The following ZNF182 variants were observed in gnomAD, a reference collection of about 807,000 sequenced individuals.
ZNF182 encodes the protein zinc finger protein 182, also known as zinc finger protein 21 (KOX 14).
In ZNF182, 10 loss-of-function variants were observed where a neutral mutation model predicts 28.1. The ratio of observed to expected loss-of-function variants is 0.36; its 90% CI spans 0.22 to 0.60. ZNF182 has a LOEUF of 0.60. Ranked by LOEUF, ZNF182 falls within the 20% of genes least tolerant of loss-of-function variation. ZNF182 has a pLI of 0.75. For synonymous variants in ZNF182, 156 were observed against 158.7 expected (o/e 0.98, Z 0.13); for missense variants, 352 against 453.2 (o/e 0.78, Z 2.03).
intron 3 of ZNF182, among the ~76,000 whole-genome samples, chrX:47,984,931 A>G (rs2058918813): frequency 8.9e-6 from 1 of 111,922 alleles, no homozygotes; most frequent in African/African-American, 3.2e-5. Context: ...CCACAATGAG[A>G]TACTACTACA....
rs2058889967 is a variant in ZNF182, at chrX:47,977,544, A to G, written c.486T>C (p.Asn162=). The change falls in exon 6 of 6, where the codon AAT becomes AAC. Residue 162 remains asparagine (N), a synonymous_variant. Coordinates refer to ENST00000376943, the MANE Select transcript of ZNF182 (RefSeq NM_001007088.2). The part of the protein sequence containing the change: ...LDLFSRSSAE[N]KYDNGCAKLF... ...ATTTTGCACATCCATTATCATATTT[A>G]TTTTCTGCAGAACTTCTACTAAATA... 1.7e-6 allele frequency: 2 copies of G among 1,206,240 alleles called. No individual in the cohort carries two copies. The highest frequency in any genetic ancestry group is 3.5e-5 in the African/African-American group (2 of 57,065).
chrX:47,994,694 G>A (rs951933944), intron 3 of ZNF182, among the ~76,000 whole-genome samples: 4 of 111,501 alleles, frequency 3.6e-5, no homozygotes, highest in African/African-American at 9.8e-5. Flanking sequence ...GCTGGAATGC[G>A]GTGGTGTGAT....
At chrX:47,980,148 C>T (rs1603224362) in intron 5 of ZNF182, among the ~76,000 whole-genome samples, 1 of 111,357 alleles carries the variant, frequency 9.0e-6, no homozygotes, top group Non-Finnish European at 1.9e-5. Context: ...TCATTTGCAG[C>T]TACATGGATA....
intron 3 of ZNF182, among the ~76,000 whole-genome samples, chrX:47,990,277 T>G (rs2146467087): frequency 9.0e-6 from 1 of 111,483 alleles, no homozygotes; most frequent in Admixed American, 9.5e-5. Context: ...TAACGGGGTC[T>G]CTAAGAGACT....
chrX:47,992,956 GAA>G, intron 3 of ZNF182, among the ~76,000 whole-genome samples: 2 of 53,663 alleles, frequency 3.7e-5, no homozygotes, highest in Middle Eastern at 0.014. Context: ...CCAGAATAAA[GAA>G]GAATTCTCTG....
At chrX:48,000,470 G>A (rs1252772668) in intron 3 of ZNF182, among the ~76,000 whole-genome samples, 2 of 110,558 alleles carry the variant, frequency 1.8e-5, no homozygotes, top group Non-Finnish European at 3.8e-5. Context: ...GCTGAGGCAC[G>A]AGAATCACTT....
At chrX:47,990,195 A>G (rs1266794756) in intron 3 of ZNF182, among the ~76,000 whole-genome samples, 1 of 111,532 alleles carries the variant, frequency 9.0e-6, no homozygotes, top group Non-Finnish European at 1.9e-5. Context: ...CAATAAAAAT[A>G]CAAATCAGGC....
At chrX:47,997,010 T>C (rs1322566058) in intron 3 of ZNF182, among the ~76,000 whole-genome samples, 1 of 111,821 alleles carries the variant, frequency 8.9e-6, no homozygotes, top group Non-Finnish European at 1.9e-5. Flanking sequence ...AGCAGACTAA[T>C]ATACCCAGCT....
rs2058877549 is a variant in ZNF182 at position 47,975,043 on chromosome X, T to C, written c.*1124A>G. 1 of 111,459 alleles carries C rather than the reference T, an allele frequency of 9.0e-6. No individual in the cohort carries two copies. The highest frequency in any genetic ancestry group is 1.9e-5 in the Non-Finnish European group (1 of 53,114). 9.2% of individuals were successfully genotyped at this position (111,459 alleles called of 1,213,427 possible). A position where few individuals can be genotyped will look rare whatever the true frequency, so the allele number is the denominator to read the frequency against. ...CATGTCTCTTTCCAGAGATAACTTA[T>C]GAATTCACAATTATGTACTTACCAT... On this transcript the variant is annotated 3_prime_UTR_variant, in exon 6 of 6. Transcript: ENST00000376943.
chrX:47,977,668 A>G lies in ZNF182; in HGVS notation c.362T>C (p.Phe121Ser), dbSNP rs782276851. ...TGTACTCAGATGAAGTATGTTTCCA[A>G]ACTCATGACAGTCACGAGCACTCTT... is the stretch of plus-strand genomic sequence containing the variant. ...ITKSARDCHE[F>S]GNILHLSTNL... Residue 121 changes from phenylalanine to serine, a missense_variant, in exon 6 of 6, where the codon TTT (phenylalanine) becomes TCT (serine). Transcript: ENST00000376943. 8.3e-7 allele frequency: 1 copy of G among 1,211,119 alleles called. No individual in the cohort carries two copies. Among genetic ancestry groups the G allele is most frequent in the South Asian group, 1.8e-5 (1 of 56,781 alleles).
At chrX:47,987,743 C>T (rs2042327728) in intron 3 of ZNF182, among the ~76,000 whole-genome samples, 1 of 111,859 alleles carries the variant, frequency 8.9e-6, no homozygotes, top group Admixed American at 9.5e-5. Flanking sequence ...TCTCTGTTCA[C>T]CGAAAGGGCC....
At chrX:47,987,119 T>C (rs1556899890) in intron 3 of ZNF182, among the ~76,000 whole-genome samples, 1 of 111,953 alleles carries the variant, frequency 8.9e-6, no homozygotes, top group Non-Finnish European at 1.9e-5. Context: ...CTAGAGAACC[T>C]TGACTAATAC....
Position 47,977,310 on chromosome X carries a change from C to T in ZNF182, c.720G>A (p.Glu240=). Residue 240 remains glutamate (E), a synonymous_variant, in exon 6 of 6, where the codon GAG becomes GAA. Coordinates refer to ENST00000376943, the MANE Select transcript of ZNF182 (RefSeq NM_001007088.2). ...LIVHWRTHTG[E]KPFGCTECGK... Reference sequence around the variant, plus strand: ...CACATTCGGTACATCCAAAAGGTTTCTCTCCCGTATGAGTTCTCCAATGTA... The same window carrying T: ...CACATTCGGTACATCCAAAAGGTTTTTCTCCCGTATGAGTTCTCCAATGTA... The T allele has an allele frequency of 8.3e-7, 1 of 1,210,875 alleles. No individual in the cohort carries two copies. Among genetic ancestry groups the T allele is most frequent in the South Asian group, 1.8e-5 (1 of 56,750 alleles).
At chrX:47,992,918 G>A (rs1274535268) in intron 3 of ZNF182, among the ~76,000 whole-genome samples, 1 of 108,087 alleles carries the variant, frequency 9.3e-6, no homozygotes, top group Non-Finnish European at 1.9e-5. Context: ...ACCTGGTCAT[G>A]GGTCAGACAC....
At chrX:48,000,033 G>T (rs2058973442) in intron 3 of ZNF182, among the ~76,000 whole-genome samples, 1 of 110,306 alleles carries the variant, frequency 9.1e-6, no homozygotes, top group African/African-American at 3.3e-5. Flanking sequence ...CTACTCAGGA[G>T]GCTAAGGCAG....
At chrX:47,992,686 C>A (rs1603227274) in intron 3 of ZNF182, among the ~76,000 whole-genome samples, 2 of 111,732 alleles carry the variant, frequency 1.8e-5, no homozygotes, top group East Asian at 5.7e-4. Context: ...GTGCTGCCCT[C>A]TTCCGTCTGG....
chrX:47,998,594 C>T (rs186282487), intron 3 of ZNF182, among the ~76,000 whole-genome samples: 73 of 112,359 alleles, frequency 6.5e-4, no homozygotes, highest in African/African-American at 2.2e-3. Flanking sequence ...TGGTGGCTCA[C>T]GCCTGTGATC....
chrX:47,990,989 G>A (rs1446670296), intron 3 of ZNF182, among the ~76,000 whole-genome samples: 2 of 111,688 alleles, frequency 1.8e-5, no homozygotes, highest in Non-Finnish European at 3.8e-5. Context: ...ATCAATAAGG[G>A]AACAAATAAA....
intron 3 of ZNF182, among the ~76,000 whole-genome samples, chrX:47,990,693 A>G (rs977518060): frequency 2.7e-5 from 3 of 111,935 alleles, no homozygotes; most frequent in Non-Finnish European, 5.6e-5. Context: ...TCATCCATCA[A>G]TTATATGATT....
Sources: allele counts gnomAD v4.1 joint callset (sites outside exome capture counted in the v4.1 genomes callset), GRCh38; gene constraint gnomAD v4.1.1; transcripts MANE v1.5; gene names NCBI Gene and HGNC (gene_info 2026-07-23, HGNC 2026-07-21).